Variants in B3GALT1 observed in about 807,000 individuals in gnomAD.
B3GALT1 encodes UDP-Gal:betaGlcNAc beta 1,3-galactosyltransferase, polypeptide 1.
In B3GALT1, 10 loss-of-function variants were observed where a neutral mutation model predicts 23.2. The observed-to-expected ratio is 0.43, with a 90% CI of 0.27 to 0.73. The LOEUF (loss-of-function observed/expected upper bound fraction) is 0.73. Among genes scored for constraint, B3GALT1 ranks in the 30% least tolerant of loss-of-function variants. The probability of loss-of-function intolerance (pLI) is 0.21; values close to 1 mark genes in which losing one functional copy is unlikely to be tolerated. For synonymous variants in B3GALT1, 156 were observed against 141.5 expected (o/e 1.10, Z -0.73); for missense variants, 299 against 405.4 (o/e 0.74, Z 2.25).
At chr2:167,713,935 C>G in intron 3 of B3GALT1, 1 of 1,570,970 alleles carries the variant, frequency 6.4e-7, no homozygotes. Context: ...TTCTCGTGAA[C>G]AGGCCCCTTG....
chr2:167,361,809 C>T (rs537725209), intron 1 of B3GALT1, among the ~76,000 whole-genome samples: 3 of 152,236 alleles, frequency 2.0e-5, no homozygotes, highest in South Asian at 2.1e-4. Context: ...CACGGTGGCT[C>T]ATGCCTGTAA....
intron 1 of B3GALT1, among the ~76,000 whole-genome samples, chr2:167,383,672 T>C (rs922572394): frequency 6.6e-6 from 1 of 152,242 alleles, no homozygotes; most frequent in African/African-American, 2.4e-5. Flanking sequence ...ACATTATGAA[T>C]GCTCAATAAT....
At chr2:167,728,050 T>C (rs1254019032) in intron 3 of B3GALT1, among the ~76,000 whole-genome samples, 2 of 152,194 alleles carry the variant, frequency 1.3e-5, no homozygotes, top group African/African-American at 2.4e-5. Context: ...GTGTCTGCCA[T>C]GTGACAAACA....
intron 1 of B3GALT1, among the ~76,000 whole-genome samples, chr2:167,395,404 T>C (rs1674597962): frequency 6.6e-6 from 1 of 151,892 alleles, no homozygotes; most frequent in Admixed American, 6.6e-5. Context: ...GACATGATGA[T>C]GGAGATTAGA....
chr2:167,471,519 A>T (rs1168953969), intron 1 of B3GALT1, among the ~76,000 whole-genome samples: 1 of 152,186 alleles, frequency 6.6e-6, no homozygotes, highest in African/African-American at 2.4e-5. Flanking sequence ...GCTTTGGGGA[A>T]ACCCAGCTGA....
At chr2:167,745,183 C>A (rs1274202985) in intron 3 of B3GALT1, among the ~76,000 whole-genome samples, 1 of 133,256 alleles carries the variant, frequency 7.5e-6, no homozygotes, top group Non-Finnish European at 1.7e-5. Flanking sequence ...TTTTAATATG[C>A]ATATTTAATA....
intron 2 of B3GALT1, among the ~76,000 whole-genome samples, chr2:167,554,456 A>G (rs1683808007): frequency 6.6e-6 from 1 of 152,188 alleles, no homozygotes. Flanking sequence ...AGCCGAAGGT[A>G]ACACTAAGAA....
At chr2:167,806,589 G>T (rs182580818) in intron 3 of B3GALT1, among the ~76,000 whole-genome samples, 6 of 152,182 alleles carry the variant, frequency 3.9e-5, no homozygotes, top group East Asian at 1.9e-4. Context: ...AGTTTTTGTC[G>T]TTGGTTCTGT....
chr2:167,363,584 A>G (rs1273951466), intron 1 of B3GALT1, among the ~76,000 whole-genome samples: 2 of 152,024 alleles, frequency 1.3e-5, no homozygotes, highest in Non-Finnish European at 2.9e-5. Context: ...TGGCATAGTA[A>G]TTTTTATATG....
chr2:167,662,546 TG>T (rs1240330953), intron 3 of B3GALT1, among the ~76,000 whole-genome samples: 1 of 152,138 alleles, frequency 6.6e-6, no homozygotes, highest in African/African-American at 2.4e-5. Context: ...TCCCAAAGAC[TG>T]TTATAATAGC....
chr2:167,514,052 G>A (rs925235225), intron 2 of B3GALT1, among the ~76,000 whole-genome samples: 5 of 151,848 alleles, frequency 3.3e-5, no homozygotes, highest in East Asian at 1.9e-4. Flanking sequence ...AATTACAGGC[G>A]CCCACCACCA....
chr2:167,856,387 C>G (rs909183394), intron 4 of B3GALT1, among the ~76,000 whole-genome samples: 1 of 152,114 alleles, frequency 6.6e-6, no homozygotes, highest in Non-Finnish European at 1.5e-5. Context: ...CTCTGATCCA[C>G]CTGCTGGTGA....
chr2:167,657,269 A>T (rs1685970798), intron 3 of B3GALT1, among the ~76,000 whole-genome samples: 1 of 152,122 alleles, frequency 6.6e-6, no homozygotes, highest in African/African-American at 2.4e-5. Flanking sequence ...CTAGGGAATT[A>T]TCAGTTTTTG....
intron 2 of B3GALT1, among the ~76,000 whole-genome samples, chr2:167,622,634 A>G (rs1364503921): frequency 2.0e-5 from 3 of 152,148 alleles, no homozygotes; most frequent in Non-Finnish European, 2.9e-5. Context: ...ATACTTCATC[A>G]TGTGTAAGAT....
intron 2 of B3GALT1, among the ~76,000 whole-genome samples, chr2:167,574,928 C>G (rs1382937735): frequency 6.6e-6 from 1 of 151,688 alleles, no homozygotes; most frequent in Non-Finnish European, 1.5e-5. Flanking sequence ...TAAACCGTGT[C>G]TCCCCTAACA....
intron 3 of B3GALT1, among the ~76,000 whole-genome samples, chr2:167,781,482 C>T (rs2105319971): frequency 6.6e-6 from 1 of 152,252 alleles, no homozygotes; most frequent in East Asian, 1.9e-4. Context: ...ATAAGGCACA[C>T]TGTGATTCCT....
At chr2:167,405,291 C>A (rs924845954) in intron 1 of B3GALT1, among the ~76,000 whole-genome samples, 15 of 152,086 alleles carry the variant, frequency 9.9e-5, no homozygotes, top group Non-Finnish European at 4.4e-5. Flanking sequence ...TAATTACTAT[C>A]ATTTAAAAGG....
chr2:167,807,828 G>A (rs1688788128), intron 3 of B3GALT1, among the ~76,000 whole-genome samples: 1 of 152,144 alleles, frequency 6.6e-6, no homozygotes, highest in South Asian at 2.1e-4. Context: ...ATATCTATTA[G>A]GTCTGCTTGG....
intron 2 of B3GALT1, among the ~76,000 whole-genome samples, chr2:167,582,361 A>G (rs1269637335): frequency 6.6e-6 from 1 of 152,140 alleles, no homozygotes; most frequent in East Asian, 1.9e-4. Flanking sequence ...GCGTTATGAG[A>G]CTGGCTTTGT....
Sources: gnomAD v4.1 joint callset for allele counts (sites outside exome capture counted in the v4.1 genomes callset) on GRCh38, gnomAD v4.1.1 for gene constraint, MANE v1.5 for transcripts, NCBI Gene and HGNC (gene_info 2026-07-23, HGNC 2026-07-21) for gene names.